Variants in JAZF1 observed in about 807,000 individuals in gnomAD.
JAZF1 encodes juxtaposed with another zinc finger protein 1.
In JAZF1, 8 loss-of-function variants were observed where a neutral mutation model predicts 26.4. The observed-to-expected ratio is 0.30, with a 90% CI of 0.18 to 0.55. The LOEUF (loss-of-function observed/expected upper bound fraction) is 0.55. Ranked by LOEUF, JAZF1 falls within the 20% of genes least tolerant of loss-of-function variation. The pLI is 0.94. For synonymous variants in JAZF1, 126 were observed against 122.3 expected (o/e 1.03, Z -0.20); for missense variants, 199 against 322.0 (o/e 0.62, Z 2.92).
At chr7:27,865,551 GAA>G (rs1295201879) in intron 3 of JAZF1, among the ~76,000 whole-genome samples, 1 of 152,104 alleles carries the variant, frequency 6.6e-6, no homozygotes, top group East Asian at 1.9e-4. Flanking sequence ...ATTTAACCCA[GAA>G]AAAACATACT....
rs1332151292 is a variant in JAZF1 at position 28,044,059 on chromosome 7, T to C, written c.116-52078A>G. On this transcript the variant is annotated intron_variant, in intron 1 of 4. Coordinates refer to ENST00000283928, the MANE Select transcript of JAZF1 (RefSeq NM_175061.4). Reference sequence around the variant, plus strand: ...ATGAAAATGTTCTGAAGTTATACAGTGCCGATGGTTGTACATTACTGTAAA... The same window carrying C: ...ATGAAAATGTTCTGAAGTTATACAGCGCCGATGGTTGTACATTACTGTAAA... Among the ~76,000 whole-genome samples, 4 of 152,110 alleles carry C rather than the reference T, an allele frequency of 2.6e-5. No individual in the cohort carries two copies. The East Asian group carries it at 7.7e-4, about 29-fold the overall frequency.
intron 3 of JAZF1, among the ~76,000 whole-genome samples, chr7:27,865,134 T>G (rs916718535): frequency 6.6e-6 from 1 of 151,906 alleles, no homozygotes; most frequent in African/African-American, 2.4e-5. Flanking sequence ...CTTTGGGAGG[T>G]TGAGGCAAGC....
At chr7:27,968,031 C>T (rs62451154) in intron 2 of JAZF1, among the ~76,000 whole-genome samples, 15,167 of 152,254 alleles carry the variant, frequency 0.1, 802 homozygotes, top group South Asian at 0.14. Flanking sequence ...TATTCATAAT[C>T]TCTCTCTTTA....
chr7:27,840,030 CGTT>C lies in JAZF1; in HGVS notation c.555+665_555+667del, dbSNP rs1443040770. The stretch of plus-strand genomic sequence containing the variant: ...CATACTTGACTATTGTGCTGTTTCT[CGTT>C]GTTTTGTCCCTGTTCCTTATTAGAA... On this transcript the variant is annotated intron_variant, in intron 4 of 4. Coordinates refer to ENST00000283928, the MANE Select transcript of JAZF1 (RefSeq NM_175061.4). This position sits in a 1 kb window ranked among gnomAD's most constrained non-coding sequence, Gnocchi z 5.1. Among the ~76,000 whole-genome samples the C allele has an allele frequency of 1.3e-5, 2 of 152,128 alleles. No homozygotes were observed. Among genetic ancestry groups the C allele is most frequent in the Admixed American group, 6.5e-5 (1 of 15,282 alleles).
chr7:27,945,893 T>TA (rs1272927318), intron 2 of JAZF1, among the ~76,000 whole-genome samples: 2 of 152,242 alleles, frequency 1.3e-5, no homozygotes, highest in East Asian at 3.9e-4. Flanking sequence ...TGATTTATGA[T>TA]AATTTGACTT....
intron 1 of JAZF1, among the ~76,000 whole-genome samples, chr7:28,027,348 A>G (rs1267177612): frequency 6.6e-6 from 1 of 152,232 alleles, no homozygotes; most frequent in Non-Finnish European, 1.5e-5. Flanking sequence ...TGATAAGGAC[A>G]GTCCTTTATT....
chr7:28,145,561 A>C (rs565432153), intron 1 of JAZF1, among the ~76,000 whole-genome samples: 2 of 152,330 alleles, frequency 1.3e-5, no homozygotes, highest in African/African-American at 4.8e-5. Flanking sequence ...TTTGGTAACA[A>C]TTCATCCTCA....
In JAZF1 at chr7:27,840,894, T is replaced by C; in HGVS notation, c.386-27A>G. On this transcript the variant is annotated intron_variant, in intron 3 of 4. Coordinates refer to ENST00000283928, the MANE Select transcript of JAZF1 (RefSeq NM_175061.4). This position sits in a 1 kb window ranked among gnomAD's most constrained non-coding sequence, Gnocchi z 5.1. ...TGCAGGACAAGAGAAGTGCAAGGAC[T>C]GTCAGGAGCGCTCATCTCCCCACAG... is the stretch of plus-strand genomic sequence containing the variant. 2 of 1,611,142 alleles carry C rather than the reference T, an allele frequency of 1.2e-6. No homozygotes were observed. The highest frequency in any genetic ancestry group is 1.1e-5 in the South Asian group (1 of 90,940).
intron 3 of JAZF1, among the ~76,000 whole-genome samples, chr7:27,866,621 A>C (rs1405320498): frequency 6.6e-6 from 1 of 152,190 alleles, no homozygotes; most frequent in Non-Finnish European, 1.5e-5. Flanking sequence ...TTTTAAATTA[A>C]ATGTCTGGAT....
In JAZF1 at chr7:27,851,875, C is replaced by T. The variant is rs185566831; in HGVS notation, c.386-11008G>A. The stretch of plus-strand genomic sequence containing the variant: ...ACCTAAAAGACAGAGGAACTGACCT[C>T]GGGCCAGTGGAGGGTGTGTGTTCTG... On this transcript the variant is annotated intron_variant, in intron 3 of 4. Coordinates refer to ENST00000283928, the MANE Select transcript of JAZF1 (RefSeq NM_175061.4). 2.2e-3 allele frequency among the ~76,000 whole-genome samples: 340 copies of T among 152,074 alleles called. 1 individual carries two copies. Among genetic ancestry groups the T allele is most frequent in the African/African-American group, 7.8e-3 (324 of 41,428 alleles).
chr7:28,011,033 A>G (rs1317415338), intron 1 of JAZF1, among the ~76,000 whole-genome samples: 1 of 152,184 alleles, frequency 6.6e-6, no homozygotes, highest in Non-Finnish European at 1.5e-5. Context: ...ACAATCCCAC[A>G]TCACCTGGCA....
At chr7:27,990,984 T>C (rs764543202) in intron 2 of JAZF1, among the ~76,000 whole-genome samples, 12 of 152,178 alleles carry the variant, frequency 7.9e-5, no homozygotes, top group Non-Finnish European at 1.6e-4. Flanking sequence ...TAGAAGAACC[T>C]GAAACTGAAC....
At chr7:28,159,075 TAA>T (rs1216198040) in intron 1 of JAZF1, among the ~76,000 whole-genome samples, 1 of 151,878 alleles carries the variant, frequency 6.6e-6, no homozygotes, top group Non-Finnish European at 1.5e-5. Flanking sequence ...AACAAATACA[TAA>T]AGACAATTTC....
intron 2 of JAZF1, among the ~76,000 whole-genome samples, chr7:27,931,261 TG>T (rs1195283766): frequency 6.6e-6 from 1 of 152,222 alleles, no homozygotes; most frequent in Non-Finnish European, 1.5e-5. Flanking sequence ...TAAATGAATA[TG>T]TCTGTGTTTC....
chr7:28,112,698 A>T (rs1172066284), intron 1 of JAZF1, among the ~76,000 whole-genome samples: 1 of 152,168 alleles, frequency 6.6e-6, no homozygotes, highest in Non-Finnish European at 1.5e-5. Context: ...CTCAAACAAG[A>T]ATGAATGGTG....
rs111519725 is a variant in JAZF1, at chr7:28,087,513, G to A, written c.115+92950C>T. Among the ~76,000 whole-genome samples the A allele has an allele frequency of 9.6e-3, 1,462 of 152,078 alleles. 13 individuals carry two copies. Among genetic ancestry groups the A allele is most frequent in the Middle Eastern group, 0.027 (8 of 294 alleles). ...AGGATTTAAAAAAAAATAGAGTAGTGCAGCATTAATTCAGAAAATAACGTC... is the reference window on the plus strand; with the variant it reads ...AGGATTTAAAAAAAAATAGAGTAGTACAGCATTAATTCAGAAAATAACGTC... On this transcript the variant is annotated intron_variant, in intron 1 of 4. Transcript: ENST00000283928.
chr7:28,075,303 A>G (rs895839443), intron 1 of JAZF1, among the ~76,000 whole-genome samples: 2 of 152,182 alleles, frequency 1.3e-5, no homozygotes, highest in African/African-American at 4.8e-5. Flanking sequence ...CCTTAATACC[A>G]GAAGCTTCTC....
chr7:27,853,350 C>T (rs1027272585), intron 3 of JAZF1, among the ~76,000 whole-genome samples: 1 of 152,174 alleles, frequency 6.6e-6, no homozygotes, highest in Admixed American at 6.5e-5. Flanking sequence ...GTTCTCCCCT[C>T]ATCTGTGTGG....
At position 28,117,199 on chromosome 7, in the gene JAZF1, T is replaced by C. The variant is rs112031614; in HGVS notation, c.115+63264A>G. On this transcript the variant is annotated intron_variant, in intron 1 of 4. Transcript: ENST00000283928. ...CATTTGAATTTGCTTATGGCATTTT[T>C]TTAATCAGGTAAAAATACTTTATTT... Among the ~76,000 whole-genome samples, 40 of 152,354 alleles carry C rather than the reference T, an allele frequency of 2.6e-4. 1 individual carries two copies. The highest frequency in any genetic ancestry group is 9.4e-4 in the African/African-American group (39 of 41,584).
Sources: allele counts gnomAD v4.1 joint callset (sites outside exome capture counted in the v4.1 genomes callset), GRCh38; gene constraint gnomAD v4.1.1; non-coding constraint Gnocchi (gnomAD v3.1); transcripts MANE v1.5; gene names NCBI Gene and HGNC (gene_info 2026-07-23, HGNC 2026-07-21).